Variants in ARB2A observed in about 807,000 individuals in gnomAD.
ARB2A encodes the protein ARB2 cotranscriptional regulator A.
chr5:93,882,798 G>A, the ARB2A span, among the ~76,000 whole-genome samples: 59 of 151,350 alleles, frequency 3.9e-4, no homozygotes, highest in Middle Eastern at 3.4e-3. Context: ...AAGAGCTACA[G>A]AAAATAGCTC....
At chr5:93,990,325 T>A in the ARB2A span, among the ~76,000 whole-genome samples, 2 of 152,014 alleles carry the variant, frequency 1.3e-5, no homozygotes, top group Admixed American at 6.6e-5. Flanking sequence ...CTCTTTATAT[T>A]TTTTCAAAAG....
At chr5:93,842,939 T>C in the ARB2A span, among the ~76,000 whole-genome samples, 1 of 152,198 alleles carries the variant, frequency 6.6e-6, no homozygotes, top group South Asian at 2.1e-4. Context: ...TGTAGTTACC[T>C]ATCCCAGTTT....
chr5:93,708,167 A>G, the ARB2A span, among the ~76,000 whole-genome samples: 104 of 152,306 alleles, frequency 6.8e-4, no homozygotes, highest in African/African-American at 2.4e-3. Flanking sequence ...CATGTATTTG[A>G]ATTTAATGCC....
the ARB2A span, chr5:93,619,422 T>C: frequency 6.6e-6 from 1 of 152,224 alleles, no homozygotes; most frequent in African/African-American, 2.4e-5. Flanking sequence ...CAATGAGATA[T>C]TAACAGCTTT....
chr5:93,845,332 T>G, the ARB2A span, among the ~76,000 whole-genome samples: 1 of 152,238 alleles, frequency 6.6e-6, no homozygotes, highest in Admixed American at 6.5e-5. Context: ...GCTCCAGGGA[T>G]TAAGATTTGA....
At chr5:93,828,563 C>G in the ARB2A span, among the ~76,000 whole-genome samples, 1 of 152,186 alleles carries the variant, frequency 6.6e-6, no homozygotes, top group Non-Finnish European at 1.5e-5. Context: ...CATCATTTCA[C>G]AAGTGGATGA....
chr5:93,964,024 T>C, the ARB2A span, among the ~76,000 whole-genome samples: 1 of 152,006 alleles, frequency 6.6e-6, no homozygotes, highest in Admixed American at 6.6e-5. Context: ...TTTGGGAATG[T>C]ATAGAGGAAA....
the ARB2A span, among the ~76,000 whole-genome samples, chr5:93,764,081 C>T: frequency 6.6e-6 from 1 of 152,030 alleles, no homozygotes; most frequent in African/African-American, 2.4e-5. Flanking sequence ...CAATAAATGC[C>T]CACAAGAGAA....
At chr5:93,843,984 C>T in the ARB2A span, among the ~76,000 whole-genome samples, 1 of 151,834 alleles carries the variant, frequency 6.6e-6, no homozygotes, top group Non-Finnish European at 1.5e-5. Flanking sequence ...TAGAAAGGTA[C>T]ATCACTGCAA....
the ARB2A span, among the ~76,000 whole-genome samples, chr5:94,107,279 T>C: frequency 2.0e-5 from 3 of 151,852 alleles, no homozygotes; most frequent in Admixed American, 6.6e-5. Flanking sequence ...GAAAGCAGCA[T>C]AGCACTTCTG....
the ARB2A span, among the ~76,000 whole-genome samples, chr5:93,655,223 A>AT: frequency 6.6e-6 from 1 of 152,152 alleles, no homozygotes; most frequent in East Asian, 1.9e-4. Flanking sequence ...GATATATGGG[A>AT]TTTTTGTGTT....
At chr5:94,098,205 C>A in the ARB2A span, among the ~76,000 whole-genome samples, 2 of 152,096 alleles carry the variant, frequency 1.3e-5, no homozygotes, top group Non-Finnish European at 2.9e-5. Context: ...AAGACAGCAA[C>A]AACAAAGATT....
At chr5:93,853,177 C>T in the ARB2A span, among the ~76,000 whole-genome samples, 1 of 152,054 alleles carries the variant, frequency 6.6e-6, no homozygotes, top group Admixed American at 6.5e-5. Flanking sequence ...CTTCACGTCC[C>T]TTGTAAGTTG....
At chr5:93,697,160 T>C in the ARB2A span, among the ~76,000 whole-genome samples, 1 of 152,030 alleles carries the variant, frequency 6.6e-6, no homozygotes, top group Non-Finnish European at 1.5e-5. Context: ...AGCAAGTTTA[T>C]TTAGTGTTTA....
At chr5:94,110,014 A>G in the ARB2A span, among the ~76,000 whole-genome samples, 1 of 151,438 alleles carries the variant, frequency 6.6e-6, no homozygotes, top group South Asian at 2.1e-4. Flanking sequence ...CCTCCAGAGT[A>G]GCTGGGAATA....
chr5:93,872,197 C>A, the ARB2A span, among the ~76,000 whole-genome samples: 21 of 152,198 alleles, frequency 1.4e-4, no homozygotes, highest in East Asian at 2.7e-3. Flanking sequence ...ATCCGCCTGC[C>A]TCGGCCTCCC....
chr5:94,047,492 C>CA, the ARB2A span, among the ~76,000 whole-genome samples: 6,076 of 80,744 alleles, frequency 0.075, 297 homozygotes, highest in Admixed American at 0.22. Flanking sequence ...GACTCCATCT[C>CA]AAAAAAAAAA....
chr5:93,966,283 A>G, the ARB2A span, among the ~76,000 whole-genome samples: 1 of 152,098 alleles, frequency 6.6e-6, no homozygotes, highest in Non-Finnish European at 1.5e-5. Flanking sequence ...ATTTAATCCA[A>G]ATGAATTCTA....
the ARB2A span, among the ~76,000 whole-genome samples, chr5:93,960,153 A>C: frequency 6.7e-6 from 1 of 150,068 alleles, no homozygotes; most frequent in Non-Finnish European, 1.5e-5. Flanking sequence ...GAGAAAAATA[A>C]AATAAAATAA....
Sources: allele counts gnomAD v4.1 joint callset (sites outside exome capture counted in the v4.1 genomes callset), GRCh38; gene constraint gnomAD v4.1.1; transcripts MANE v1.5; gene names NCBI Gene and HGNC (gene_info 2026-07-23, HGNC 2026-07-21).